Variants in DUOX2 observed in about 807,000 individuals in gnomAD.
DUOX2 encodes NADH/NADPH thyroid oxidase p138-tox.
DUOX2 carries 185 observed loss-of-function variants against 183.3 expected under a neutral mutation model. The ratio of observed to expected loss-of-function variants is 1.01; its 90% CI spans 0.90 to 1.14. The LOEUF (loss-of-function observed/expected upper bound fraction) is 1.14. Ranked by LOEUF, DUOX2 falls within the 50% of genes most tolerant of loss-of-function variation. The pLI is 0.00. For missense variants in DUOX2, 1,999 were observed against 2,022.9 expected (o/e 0.99, Z 0.23); for synonymous variants, 788 against 812.4 (o/e 0.97, Z 0.51).
chr15:45,106,181 A>C lies in DUOX2; in HGVS notation c.2092T>G (p.Ser698Ala), dbSNP rs780004618. The C allele has an allele frequency of 2.5e-6, 4 of 1,614,162 alleles. 1 individual carries two copies. Among genetic ancestry groups the C allele is most frequent in the East Asian group, 4.5e-5 (2 of 44,866 alleles). ...QPLQQVNLILSNNRGCRTLLL... is the reference protein window; with the variant it reads ...QPLQQVNLILANNRGCRTLLL... Reference sequence around the variant, plus strand: ...AGGGTGCGGCATCCTCGGTTGTTGGACAGGATGAGGTTGACCTGCTGCAGA... The same window carrying C: ...AGGGTGCGGCATCCTCGGTTGTTGGCCAGGATGAGGTTGACCTGCTGCAGA... The change falls in exon 17 of 34, where the codon TCC (serine) becomes GCC (alanine). Residue 698 changes from serine to alanine, a missense_variant. This residue lies in a region of DUOX2 where 1,628 missense variants were observed against 1,608.6 expected (regional missense o/e 1.01). Coordinates refer to ENST00000389039, the MANE Select transcript of DUOX2 (RefSeq NM_001363711.2).
chr15:45,106,567 CTT>C lies in DUOX2; in HGVS notation c.1904_1905del (p.Lys635ArgfsTer77). The C allele has an allele frequency of 5.0e-6, 8 of 1,614,218 alleles. No individual in the cohort carries two copies. Among genetic ancestry groups the C allele is most frequent in the Non-Finnish European group, 6.8e-6 (8 of 1,180,040 alleles). ...REHKKLQKKL[K>X]ESVKKEAAKD... ...TTGGCTGCTTCCTTCTTCACGCTCTCTTTGAGTTTCTTTTGTAGCTTCTTGTG... is the reference window on the plus strand; with the variant it reads ...TTGGCTGCTTCCTTCTTCACGCTCTCTGAGTTTCTTTTGTAGCTTCTTGTG... On this transcript the variant is annotated frameshift_variant, in exon 16 of 34. Transcript: ENST00000389039. LOFTEE classifies it high-confidence loss of function.
At chr15:45,107,208 C>T (rs1894242411) in intron 14 of DUOX2, 137 bp downstream of exon 14, 9 of 1,282,458 alleles carry the variant, frequency 7.0e-6, no homozygotes, top group African/African-American at 1.5e-5. Context: ...GCTGTGGGAG[C>T]CAGCCAAATG....
rs748127964 is a variant in DUOX2, at chr15:45,094,199, A to G, written c.4598T>C (p.Val1533Ala). ...GAAGTGGGCTCGGTCCTGCCTGTTGACGAGCTGACAGGCCTTCTCTACATT... is the reference window on the plus strand; with the variant it reads ...GAAGTGGGCTCGGTCCTGCCTGTTGGCGAGCTGACAGGCCTTCTCTACATT... ...TKNVEKACQL[V>A]NRQDRAHFMH... The change falls in exon 34 of 34, where the codon GTC becomes GCC. Residue 1533 changes from valine to alanine, a missense_variant. Transcript: ENST00000389039. 1.4e-5 allele frequency: 23 copies of G among 1,613,986 alleles called. No individual in the cohort carries two copies. The East Asian group carries it at 4.7e-4, about 33-fold the overall frequency.
chr15:45,097,036 C>G (rs1028689100), intron 29 of DUOX2, among the ~76,000 whole-genome samples: 3 of 152,220 alleles, frequency 2.0e-5, no homozygotes, highest in African/African-American at 7.2e-5. Context: ...CTGCAAGTCT[C>G]CTGGGAGCTA....
At chr15:45,104,552 A>G (rs113078084) in intron 18 of DUOX2, among the ~76,000 whole-genome samples, 187 bp from the exon 19 acceptor site, 1,925 of 152,310 alleles carry the variant, frequency 0.013, 40 homozygotes, top group African/African-American at 0.043. Context: ...TCAAATCTCT[A>G]GCAGCCTGCC....
rs778142275 is a variant in DUOX2, at chr15:45,101,268, C to T, written c.2858G>A (p.Arg953Lys). The part of the protein sequence containing the change: ...KGGGGGGNGI[R>K]DIFKQNISCR... ...GCTGATGTTTTGTTTAAAGATATCT[C>T]TAATACCTAGAGAAAAGAACAAGAG... Residue 953 changes from arginine to lysine, a missense_variant, in exon 22 of 34, where the codon AGA becomes AAA. Physicochemically the swap from Arg to Lys is conservative, Grantham distance 26. Coordinates refer to ENST00000389039, the MANE Select transcript of DUOX2 (RefSeq NM_001363711.2). The T allele has an allele frequency of 6.8e-6, 11 of 1,612,986 alleles. No individual in the cohort carries two copies. Among genetic ancestry groups the T allele is most frequent in the Non-Finnish European group, 9.3e-6 (11 of 1,179,578 alleles).
chr15:45,095,840 A>G lies in DUOX2; in HGVS notation c.4068T>C (p.Ala1356=). ...IYSSPKGNGC[A]GYPKLYLDGP... ...CAGTGACGGGCACCTTTGGGTATCC[A>G]GCACAGCCATTGCCCTTTGGGGATG... is the stretch of plus-strand genomic sequence containing the variant. The change falls in exon 30 of 34, where the codon GCT becomes GCC. Residue 1356 remains alanine (A), a synonymous_variant. Coordinates refer to ENST00000389039, the MANE Select transcript of DUOX2 (RefSeq NM_001363711.2). The G allele has an allele frequency of 4.3e-6, 7 of 1,614,056 alleles. No homozygotes were observed. The highest frequency in any genetic ancestry group is 5.9e-6 in the Non-Finnish European group (7 of 1,179,960).
At position 45,099,307 on chromosome 15, in the gene DUOX2, G is replaced by A. The variant is rs1219890234; in HGVS notation, c.3515+76C>T. On this transcript the variant is annotated intron_variant, in intron 26 of 33. Transcript: ENST00000389039. ...TTACAGGCGTGAGCCACCGCGCCCG[G>A]CCTGCCTATTTCTTTTTCTATTATA... 8 of 1,394,328 alleles carry A rather than the reference G, an allele frequency of 5.7e-6. No homozygotes were observed. The South Asian group carries it at 6.0e-5, about 10-fold the overall frequency. 86.4% of individuals were successfully genotyped at this position (1,394,328 alleles called of 1,614,324 possible).
Position 45,111,179 on chromosome 15 carries a change from G to C in DUOX2, c.814C>G (p.Gln272Glu), listed in dbSNP as rs924408407. The C allele has an allele frequency of 1.3e-5, 16 of 1,271,628 alleles. No homozygotes were observed. Among genetic ancestry groups the C allele is most frequent in the Non-Finnish European group, 1.6e-5 (15 of 927,614 alleles). 78.8% of individuals were successfully genotyped at this position (1,271,628 alleles called of 1,614,324 possible). Residue 272 changes from glutamine to glutamate, a missense_variant, in exon 7 of 34, where the codon CAG (glutamine) becomes GAG (glutamate). Physicochemically the swap from Gln to Glu is conservative, Grantham distance 29. This residue lies in a region of DUOX2 where 15 missense variants were observed against 57.9 expected (regional missense o/e 0.26). Transcript: ENST00000389039. ...TCCTCGTCCTCCCAGTCTGGGTGCT[G>C]GCGGGCCAGCCTCTGCGCCCACAGG... ...HNLWAQRLAR[Q>E]HPDWEDEELF...
intron 4 of DUOX2, 78 bp from the exon 5 acceptor site, chr15:45,112,033 C>G: frequency 2.6e-6 from 4 of 1,548,876 alleles, no homozygotes; most frequent in Non-Finnish European, 3.5e-6. Flanking sequence ...CTCCAAGTGT[C>G]CTCAGGAGCC....
In DUOX2 at chr15:45,111,488, G is replaced by A; in HGVS notation, c.611C>T (p.Ala204Val). 6.4e-7 allele frequency: 1 copy of A among 1,551,294 alleles called. No homozygotes were observed. Among genetic ancestry groups the A allele is most frequent in the Non-Finnish European group, 8.7e-7 (1 of 1,150,914 alleles). The change falls in exon 6 of 34, where the codon GCG (alanine) becomes GTG (valine). Residue 204 changes from alanine (A) to valine (V), a missense_variant. Physicochemically the swap from Ala to Val is moderately conservative, Grantham distance 64. Coordinates refer to ENST00000389039, the MANE Select transcript of DUOX2 (RefSeq NM_001363711.2). ...ALRSFSGGQL[A>V]SGPDPAFPRD... ...GGGGAAAGCGGGGTCGGGCCCCGAC[G>A]CCAGCTGTCCCCCCGAGAAGCTCCG...
Position 45,108,769 on chromosome 15 carries a change from T to C in DUOX2, c.1398+20A>G. ...CATAGGAAAGCTTTAGCTGCCATTA[T>C]TATCATTACTATTCCTGACCTGGGG... On this transcript the variant is annotated intron_variant, in intron 12 of 33. Coordinates refer to ENST00000389039, the MANE Select transcript of DUOX2 (RefSeq NM_001363711.2). The C allele has an allele frequency of 1.2e-6, 2 of 1,613,862 alleles. No individual in the cohort carries two copies. Among genetic ancestry groups the C allele is most frequent in the Non-Finnish European group, 1.7e-6 (2 of 1,179,712 alleles).
intron 26 of DUOX2, among the ~76,000 whole-genome samples, chr15:45,098,662 G>A (rs1249389325): frequency 6.6e-6 from 1 of 151,508 alleles, no homozygotes; most frequent in Non-Finnish European, 1.5e-5. Context: ...GACTAGCTTA[G>A]CACTGAGCTT....
chr15:45,097,573 G>A (rs1429211784), intron 28 of DUOX2, 41 bp downstream of exon 28: 1 of 1,614,142 alleles, frequency 6.2e-7, no homozygotes, highest in Non-Finnish European at 8.5e-7. Flanking sequence ...GTCCCATCCT[G>A]AGCTCCCTGC....
chr15:45,109,746 G>T, intron 10 of DUOX2, 120 bp from the exon 11 acceptor site: 1 of 1,310,322 alleles, frequency 7.6e-7, no homozygotes, highest in Non-Finnish European at 1.1e-6. Context: ...CTCTTGAACT[G>T]TTGTCCCCGG....
intron 25 of DUOX2, 42 bp from the exon 26 acceptor site, chr15:45,099,524 A>T: frequency 1.9e-6 from 3 of 1,599,184 alleles, no homozygotes; most frequent in South Asian, 2.2e-5. Flanking sequence ...ACCAGGACAG[A>T]CTCTACCTCC....
intron 14 of DUOX2, 24 bp downstream of exon 14, chr15:45,107,321 C>T (rs1227664958): frequency 6.2e-7 from 1 of 1,613,202 alleles, no homozygotes; most frequent in South Asian, 1.1e-5. Flanking sequence ...CTGTCACTCA[C>T]TTGTGTTCTC....
chr15:45,094,227 T>C lies in DUOX2; in HGVS notation c.4570A>G (p.Lys1524Glu). Residue 1524 changes from lysine to glutamate, a missense_variant, in exon 34 of 34, where the codon AAG becomes GAG. Around this residue, in one of 3 missense-constraint regions of DUOX2, gnomAD observed 1,628 missense variants for 1,608.6 expected, o/e 1.01. Transcript: ENST00000389039. ...VFSCGPPGMT[K>E]NVEKACQLVN... ...AGCTGACAGGCCTTCTCTACATTCT[T>C]GGTCATTCCTGGAGGGCCGCAGCTG... 6.2e-7 allele frequency: 1 copy of C among 1,614,128 alleles called. No homozygotes were observed. Among genetic ancestry groups the C allele is most frequent in the Non-Finnish European group, 8.5e-7 (1 of 1,180,022 alleles).
intron 9 of DUOX2, 107 bp downstream of exon 9, chr15:45,110,321 C>T (rs959112031): frequency 6.0e-6 from 7 of 1,161,064 alleles, no homozygotes; most frequent in East Asian, 2.6e-5. Flanking sequence ...TTTTGCTTCC[C>T]CTTCTCTAGT....
Sources: allele counts gnomAD v4.1 joint callset (sites outside exome capture counted in the v4.1 genomes callset), GRCh38; gene constraint gnomAD v4.1.1; regional missense constraint gnomAD v4.1.1; transcripts MANE v1.5; gene names NCBI Gene and HGNC (gene_info 2026-07-23, HGNC 2026-07-21).